Variants in ARL10 observed in about 807,000 individuals in gnomAD.
ARL10 encodes the protein ARF like GTPase 10.
Under a neutral mutation model 26.1 loss-of-function variants are expected in ARL10, and 23 were observed. That is an observed-to-expected ratio of 0.88 (90% confidence interval 0.63 to 1.25). ARL10 has a LOEUF of 1.25. Ranked by LOEUF, ARL10 falls within the 50% of genes most tolerant of loss-of-function variation. The pLI, the probability that ARL10 is intolerant of heterozygous loss-of-function variation, is 0.00. For synonymous variants in ARL10, 138 were observed against 149.1 expected, an observed-to-expected ratio of 0.93 and a Z score of 0.54; for missense variants, 300 against 323.6, an observed-to-expected ratio of 0.93 and a Z score of 0.56.
chr5:176,394,806 C>T (rs1051206401), intron 1 of ARL10, among the ~76,000 whole-genome samples: 1 of 149,786 alleles, frequency 6.7e-6, no homozygotes, highest in African/African-American at 2.4e-5. Flanking sequence ...CAGAGCAAGA[C>T]TCCGTCTTAA....
the ARL10 span, chr5:176,410,363 G>T: frequency 3.5e-5 from 52 of 1,491,022 alleles, no homozygotes; most frequent in East Asian, 1.0e-3. Flanking sequence ...AGCAGGAAAT[G>T]GTCCTACATT....
chr5:176,407,946 A>G, the ARL10 span, among the ~76,000 whole-genome samples: 1 of 152,206 alleles, frequency 6.6e-6, no homozygotes. Flanking sequence ...AGAGGATTCA[A>G]GAAGCCAGCT....
downstream of ARL10, chr5:176,392,647 T>G: frequency 3.6e-6 from 4 of 1,119,100 alleles, no homozygotes; most frequent in South Asian, 1.5e-5. The surrounding 1 kb of genome is among the most constrained non-coding windows in gnomAD (Gnocchi z 5.2). Context: ...TCCCAGCGCC[T>G]GGAGATGGGG....
intron 3 of ARL10, 29 bp from the exon 4 acceptor site, chr5:176,371,693 C>T: frequency 1.2e-6 from 2 of 1,601,860 alleles, no homozygotes; most frequent in Non-Finnish European, 1.7e-6. Flanking sequence ...ATGCTGCCAG[C>T]TGTGTTCGGA....
chr5:176,389,244 C>T, downstream of ARL10: 1 of 1,470,240 alleles, frequency 6.8e-7, no homozygotes, highest in African/African-American at 1.4e-5. Flanking sequence ...ATCCAGAGAT[C>T]TTGGCTTTGG....
chr5:176,392,541 G>A (rs1379893347), downstream of ARL10: 2 of 537,852 alleles, frequency 3.7e-6, no homozygotes, highest in Non-Finnish European at 6.6e-6. The surrounding 1 kb of genome is among the most constrained non-coding windows in gnomAD (Gnocchi z 5.2). Context: ...AAATACATCA[G>A]GAGGGACAGT....
downstream of ARL10, among the ~76,000 whole-genome samples, chr5:176,382,822 G>A (rs1386655319): frequency 1.3e-5 from 2 of 152,152 alleles, no homozygotes; most frequent in African/African-American, 2.4e-5. Context: ...GCTTCCTAAA[G>A]TTCATTCCTC....
the ARL10 span, among the ~76,000 whole-genome samples, chr5:176,411,808 C>G: frequency 1.3e-5 from 2 of 152,194 alleles, no homozygotes; most frequent in African/African-American, 4.8e-5. Flanking sequence ...CCCACAAACC[C>G]TAAATTCTGG....
At position 176,398,164 on chromosome 5, in the gene ARL10, C is replaced by T. The variant is rs533134707; in HGVS notation, c.134-3577C>T. The T allele has an allele frequency of 6.8e-5, 57 of 839,510 alleles. No individual in the cohort carries two copies. In the South Asian group the frequency reaches 8.0e-4, roughly 12 times the overall value. The allele number at this position is 839,510 out of a possible 1,614,324, so 52.0% of individuals were successfully genotyped here. A position where few individuals can be genotyped will look rare whatever the true frequency, so the allele number is the denominator to read the frequency against. ...ACTCAGCCTCAAACAACCTCATACC[C>T]ACTGTCTCTGGTGACTACACCTATC... On this transcript the variant is annotated intron_variant, in intron 1 of 1. Coordinates refer to the ARL10 transcript ENST00000514533.
chr5:176,369,143 T>C, intron 3 of ARL10, 161 bp downstream of exon 3: 3 of 1,535,058 alleles, frequency 2.0e-6, no homozygotes, highest in Non-Finnish European at 2.6e-6. Context: ...GCCTCTGTCT[T>C]CCTTCCTCTT....
At chr5:176,394,251 C>A (rs917306515) in intron 1 of ARL10, among the ~76,000 whole-genome samples, 3 of 152,216 alleles carry the variant, frequency 2.0e-5, no homozygotes, top group African/African-American at 4.8e-5. Flanking sequence ...CAGCTCAAAG[C>A]GTCCATGGTC....
the ARL10 span, among the ~76,000 whole-genome samples, chr5:176,413,081 C>T: frequency 6.6e-6 from 1 of 152,166 alleles, no homozygotes; most frequent in African/African-American, 2.4e-5. Context: ...CATGCAGTTT[C>T]GGCCTCCTTA....
At chr5:176,389,760 A>G, downstream of ARL10, 1 of 374,300 alleles carries the variant, frequency 2.7e-6, no homozygotes, top group African/African-American at 2.1e-5. Context: ...ACTTGTATTT[A>G]ATTCAGTATC....
chr5:176,365,554 G>C lies in ARL10; in HGVS notation c.-10G>C, dbSNP rs1768248828. On this transcript the variant is annotated 5_prime_UTR_variant, in exon 1 of 4. Transcript: ENST00000310389. The stretch of plus-strand genomic sequence containing the variant: ...TGTGCAACCCGCACCTGCGTCCCTC[G>C]CCCGGCCCGATGGCGCCGCGGCCGC... 8.1e-7 allele frequency: 1 copy of C among 1,230,118 alleles called. No individual in the cohort carries two copies. Among genetic ancestry groups the C allele is most frequent in the Non-Finnish European group, 1.0e-6 (1 of 986,798 alleles). The allele number at this position is 1,230,118 out of a possible 1,614,324, so 76.2% of individuals were successfully genotyped here. A position where few individuals can be genotyped will look rare whatever the true frequency, so the allele number is the denominator to read the frequency against.
downstream of ARL10, among the ~76,000 whole-genome samples, chr5:176,405,272 T>C (rs1044326510): frequency 2.0e-5 from 3 of 152,074 alleles, no homozygotes; most frequent in Non-Finnish European, 4.4e-5. Flanking sequence ...GAGGACTGCT[T>C]GAGCCCAGGA....
In ARL10 at chr5:176,374,351, C is replaced by G. The variant is rs536272899; in HGVS notation, c.*2456C>G. On this transcript the variant is annotated 3_prime_UTR_variant, in exon 4 of 4. Coordinates refer to ENST00000310389, the MANE Select transcript of ARL10 (RefSeq NM_173664.6). ...CTATTTGACCTCATTATGGAACTCACAGTTTACAATGTTAAATCAGTTAGC... is the reference window on the plus strand; with the variant it reads ...CTATTTGACCTCATTATGGAACTCAGAGTTTACAATGTTAAATCAGTTAGC... The G allele has an allele frequency of 8.5e-5, 13 of 152,320 alleles. No homozygotes were observed. In the South Asian group the frequency reaches 2.7e-3, roughly 32 times the overall value. The allele number at this position is 152,320 out of a possible 1,614,324, so 9.4% of individuals were successfully genotyped here.
chr5:176,404,149 G>T (rs1756979563), downstream of ARL10, among the ~76,000 whole-genome samples: 1 of 152,224 alleles, frequency 6.6e-6, no homozygotes, highest in Non-Finnish European at 1.5e-5. Context: ...GATTCAAACT[G>T]AATTGCTGGG....
Position 176,365,488 on chromosome 5 carries a change from G to A in ARL10, c.-76G>A. 1.8e-6 allele frequency: 2 copies of A among 1,115,492 alleles called. No individual in the cohort carries two copies. Among genetic ancestry groups the A allele is most frequent in the Non-Finnish European group, 2.3e-6 (2 of 888,640 alleles). 69.1% of individuals were successfully genotyped at this position (1,115,492 alleles called of 1,614,324 possible). On this transcript the variant is annotated 5_prime_UTR_variant, in exon 1 of 4. Coordinates refer to ENST00000310389, the MANE Select transcript of ARL10 (RefSeq NM_173664.6). The stretch of plus-strand genomic sequence containing the variant: ...TGGGTGGGTGGGCGCGGCCGCAGCA[G>A]TCGCAGCGGGGCCATCTTCGGCGGG...
intron 1 of ARL10, among the ~76,000 whole-genome samples, chr5:176,398,534 A>G (rs1756662948): frequency 6.6e-6 from 1 of 151,958 alleles, no homozygotes; most frequent in Admixed American, 6.6e-5. Context: ...AACATGGAGA[A>G]ATCCCGACTC....
Sources: gnomAD v4.1 joint callset for allele counts (sites outside exome capture counted in the v4.1 genomes callset) on GRCh38, gnomAD v4.1.1 for gene constraint, Gnocchi (gnomAD v3.1) non-coding constraint, MANE v1.5 for transcripts, NCBI Gene and HGNC (gene_info 2026-07-23, HGNC 2026-07-21) for gene names.